The following CAPS2 variants were observed in gnomAD, a reference collection of about 807,000 sequenced individuals.
CAPS2 encodes calcyphosine 2.
CAPS2 carries 98 observed loss-of-function variants against 86.5 expected under a neutral mutation model. The ratio of observed to expected loss-of-function variants is 1.13; its 90% CI spans 0.96 to 1.34. The LOEUF (loss-of-function observed/expected upper bound fraction) is 1.34. CAPS2 is among the 40% of genes most tolerant of loss of function. The pLI is 0.00. For synonymous variants in CAPS2, 210 were observed against 225.1 expected, an observed-to-expected ratio of 0.93 and a Z score of 0.60; for missense variants, 729 against 686.8, an observed-to-expected ratio of 1.06 and a Z score of -0.69.
intron 7 of CAPS2, 87 bp from the exon 8 acceptor site, chr12:75,304,963 C>A: frequency 8.5e-7 from 1 of 1,177,690 alleles, no homozygotes; most frequent in South Asian, 1.7e-5. Flanking sequence ...TCTAAAAGCT[C>A]ATATACCAAA....
At chr12:75,292,279 G>C (rs541322645) in intron 12 of CAPS2, among the ~76,000 whole-genome samples, 1 of 151,942 alleles carries the variant, frequency 6.6e-6, no homozygotes, top group Non-Finnish European at 1.5e-5. Flanking sequence ...TGTTGGCCAG[G>C]CTGGTCTCGA....
At chr12:75,316,744 G>A (rs2039809122) in intron 5 of CAPS2, among the ~76,000 whole-genome samples, 1 of 152,080 alleles carries the variant, frequency 6.6e-6, no homozygotes, top group African/African-American at 2.4e-5. Flanking sequence ...GACATAGTAA[G>A]CATTAAATAA....
chr12:75,334,875 C>A, upstream of CAPS2: 1 of 1,614,062 alleles, frequency 6.2e-7, no homozygotes, highest in East Asian at 2.2e-5. Flanking sequence ...GCAAAGTCAA[C>A]CCTCCCGCGG....
intron 1 of CAPS2, chr12:75,390,765 A>G (rs2045548259): frequency 2.0e-6 from 1 of 505,920 alleles, no homozygotes; most frequent in Non-Finnish European, 4.0e-6. Context: ...TAATAACGAC[A>G]TATCATTCAG....
intron 7 of CAPS2, chr12:75,305,502 C>A: frequency 1.7e-6 from 1 of 602,248 alleles, no homozygotes; most frequent in Middle Eastern, 4.1e-4. Context: ...AGGCCTCCAG[C>A]TCCGAGGTGC....
rs531307650 is a variant in CAPS2 at position 75,369,552 on chromosome 12, G to C, written c.-395+21286C>G. ...GAAAGTTTGATGTGGAAAAGACATCGAGAAATATTTGGAGTAAGGACCATT... is the reference window on the plus strand; with the variant it reads ...GAAAGTTTGATGTGGAAAAGACATCCAGAAATATTTGGAGTAAGGACCATT... On this transcript the variant is annotated intron_variant, in intron 1 of 5. Coordinates refer to the CAPS2 transcript ENST00000551829. 92 of 983,072 alleles carry C rather than the reference G, an allele frequency of 9.4e-5. No homozygotes were observed. The South Asian group carries it at 1.4e-3, about 15-fold the overall frequency. 60.9% of individuals were successfully genotyped at this position (983,072 alleles called of 1,614,324 possible).
At chr12:75,374,525 C>G (rs2044548243) in intron 1 of CAPS2, among the ~76,000 whole-genome samples, 1 of 152,208 alleles carries the variant, frequency 6.6e-6, no homozygotes, top group African/African-American at 2.4e-5. Context: ...TTCCCATCCC[C>G]TCGCATGCAA....
intron 1 of CAPS2, among the ~76,000 whole-genome samples, chr12:75,383,896 G>A (rs904874148): frequency 6.6e-6 from 1 of 151,924 alleles, no homozygotes; most frequent in African/African-American, 2.4e-5. Flanking sequence ...CAAAATAAGA[G>A]ATTAAATGGC....
chr12:75,277,061 C>G (rs55763313), downstream of CAPS2: 1 of 984,566 alleles, frequency 1.0e-6, no homozygotes, highest in Non-Finnish European at 1.2e-6. Flanking sequence ...TACTGTGTCA[C>G]CAATTCTAAC....
At chr12:75,293,444 G>A in intron 11 of CAPS2, 77 bp from the exon 12 acceptor site, 1 of 899,358 alleles carries the variant, frequency 1.1e-6, no homozygotes, top group Admixed American at 2.1e-5. Flanking sequence ...TTTAAATAAT[G>A]GATTTTGATT....
chr12:75,345,533 T>C (rs546008014), intron 1 of CAPS2, among the ~76,000 whole-genome samples: 1 of 152,288 alleles, frequency 6.6e-6, no homozygotes, highest in South Asian at 2.1e-4. Flanking sequence ...TAAAGCAACT[T>C]GTTCTTATCA....
intron 1 of CAPS2, among the ~76,000 whole-genome samples, chr12:75,342,486 C>T (rs1402995027): frequency 2.6e-5 from 4 of 152,106 alleles, no homozygotes; most frequent in African/African-American, 9.7e-5. Context: ...GGCAATTATA[C>T]CTACATTAAG....
At chr12:75,317,788 ACC>A (rs2039918910) in intron 5 of CAPS2, among the ~76,000 whole-genome samples, 1 of 152,040 alleles carries the variant, frequency 6.6e-6, no homozygotes, top group African/African-American at 2.4e-5. Context: ...TACATCCATC[ACC>A]ACACATAGTT....
At chr12:75,364,946 T>C (rs1292224271) in intron 1 of CAPS2, 1 of 152,180 alleles carries the variant, frequency 6.6e-6, no homozygotes, top group Non-Finnish European at 1.5e-5. Context: ...TTATTTATGG[T>C]TAGAATGGAT....
intron 1 of CAPS2, among the ~76,000 whole-genome samples, chr12:75,390,617 T>A (rs966766218): frequency 2.6e-5 from 4 of 152,214 alleles, no homozygotes; most frequent in Admixed American, 1.3e-4. Flanking sequence ...AATTTCCAAC[T>A]CAACAGGTAA....
rs10634496 is a variant in CAPS2, at chr12:75,308,902, C to CAAA, written c.659+3943_659+3945dup. The stretch of plus-strand genomic sequence containing the variant: ...TGGGCGACAGAGCGAGACTCGGTCT[C>CAAA]AAAAAAAAAAAAAAAAAAAAAGGGG... On this transcript the variant is annotated intron_variant, in intron 7 of 16. Transcript: ENST00000393284. Among the ~76,000 whole-genome samples, 545 of 97,842 alleles carry CAAA rather than the reference C, an allele frequency of 5.6e-3. 18 individuals carry two copies. The highest frequency in any genetic ancestry group is 0.019 in the African/African-American group (458 of 23,912). 64.2% of individuals were successfully genotyped at this position (97,842 alleles called of 152,430 possible). A position where few individuals can be genotyped will look rare whatever the true frequency, so the allele number is the denominator to read the frequency against.
intron 1 of CAPS2, chr12:75,366,782 T>A (rs2043995115): frequency 2.2e-5 from 15 of 676,730 alleles, no homozygotes; most frequent in South Asian, 2.0e-4. Flanking sequence ...TGTCTCAGTT[T>A]CTCTCTTCAG....
chr12:75,314,121 T>C (rs11836003), intron 6 of CAPS2, among the ~76,000 whole-genome samples: 49 of 152,242 alleles, frequency 3.2e-4, no homozygotes, highest in African/African-American at 1.0e-3. Flanking sequence ...GGTTTTACCA[T>C]GTTGGCCAGG....
intron 1 of CAPS2, among the ~76,000 whole-genome samples, chr12:75,351,062 C>T (rs2042776250): frequency 6.6e-6 from 1 of 152,170 alleles, no homozygotes; most frequent in Admixed American, 6.5e-5. Context: ...TCACAAGTAT[C>T]AATATCCAAA....
Sources: gnomAD v4.1 joint callset for allele counts (sites outside exome capture counted in the v4.1 genomes callset) on GRCh38, gnomAD v4.1.1 for gene constraint, MANE v1.5 for transcripts, NCBI Gene and HGNC (gene_info 2026-07-23, HGNC 2026-07-21) for gene names.